HCN3: variants seen among roughly 807,000 people sequenced by gnomAD.
The protein encoded by HCN3 is hyperpolarization activated cyclic nucleotide gated potassium channel 3, also known as potassium/sodium hyperpolarization-activated cyclic nucleotide-gated channel 3.
In HCN3, 36 loss-of-function variants were observed where a neutral mutation model predicts 56.8. The ratio of observed to expected loss-of-function variants is 0.63; its 90% CI spans 0.49 to 0.84. HCN3 has a LOEUF of 0.84. Among genes scored for constraint, HCN3 ranks in the 40% least tolerant of loss-of-function variants. HCN3 has a pLI of 0.00. For synonymous variants in HCN3, 425 were observed against 439.7 expected, an observed-to-expected ratio of 0.97 and a Z score of 0.42; for missense variants, 930 against 1,079.3, an observed-to-expected ratio of 0.86 and a Z score of 1.94.
chr1:155,278,980 T>A (rs1463391395), intron 1 of HCN3, among the ~76,000 whole-genome samples: 1 of 151,678 alleles, frequency 6.6e-6, no homozygotes, highest in Non-Finnish European at 1.5e-5. Context: ...GATGCTTTCA[T>A]GGCTAGGCGA....
intron 1 of HCN3, among the ~76,000 whole-genome samples, chr1:155,280,436 A>ATTT: frequency 7.6e-6 from 1 of 131,562 alleles, no homozygotes; most frequent in Admixed American, 7.7e-5. Context: ...CACCTGGCTA[A>ATTT]TTTTTTTTTT....
At position 155,277,808 on chromosome 1, in the gene HCN3, T is replaced by G; in HGVS notation, c.218T>G (p.Ile73Ser). Reference protein sequence around the residue: ...RVFGSHKAVEIEQERVKSAGA... With the variant: ...RVFGSHKAVESEQERVKSAGA... The stretch of plus-strand genomic sequence containing the variant: ...TTCGGCAGCCACAAAGCAGTGGAAA[T>G]CGAGCAGGAGCGGGTGAAGTCAGCG... The change falls in exon 1 of 8, where the codon ATC (isoleucine) becomes AGC (serine). Residue 73 changes from isoleucine (I) to serine (S), a missense_variant. By Grantham distance (142) the Ile-to-Ser change is moderately radical. Transcript: ENST00000368358. 6.2e-7 allele frequency: 1 copy of G among 1,612,514 alleles called. No individual in the cohort carries two copies. Among genetic ancestry groups the G allele is most frequent in the Non-Finnish European group, 8.5e-7 (1 of 1,179,926 alleles).
At chr1:155,279,538 C>T (rs1368796889) in intron 1 of HCN3, among the ~76,000 whole-genome samples, 1 of 152,164 alleles carries the variant, frequency 6.6e-6, no homozygotes, top group Non-Finnish European at 1.5e-5. Context: ...CAGAGGAAGG[C>T]AGGATAGACC....
chr1:155,285,630 A>T lies in HCN3; in HGVS notation c.1237-94A>T. 2 of 1,521,840 alleles carry T rather than the reference A, an allele frequency of 1.3e-6. No individual in the cohort carries two copies. Among genetic ancestry groups the T allele is most frequent in the Non-Finnish European group, 1.8e-6 (2 of 1,124,988 alleles). The allele number at this position is 1,521,840 out of a possible 1,614,324, so 94.3% of individuals were successfully genotyped here. A position where few individuals can be genotyped will look rare whatever the true frequency, so the allele number is the denominator to read the frequency against. On this transcript the variant is annotated intron_variant, in intron 5 of 7. Coordinates refer to ENST00000368358, the MANE Select transcript of HCN3 (RefSeq NM_020897.3). This position sits in a 1 kb window ranked among gnomAD's most constrained non-coding sequence, Gnocchi z 4.5. ...CCTCCCCATCCTTTGGCAGAACATG[A>T]CCCCAGGGGTGGGGTTTCTGGAAGC...
Position 155,284,736 on chromosome 1 carries a change from C to A in HCN3, c.1068C>A (p.Ser356=). Residue 356 remains serine, a synonymous_variant, in exon 4 of 8, where the codon TCC becomes TCA. Coordinates refer to ENST00000368358, the MANE Select transcript of HCN3 (RefSeq NM_020897.3). This position sits in a 1 kb window ranked among gnomAD's most constrained non-coding sequence, Gnocchi z 4.3. Reference sequence around the variant, plus strand: ...CACTCATCCAGTCCCTGGACTCTTCCCGGCGTCAGTACCAGGAGAAGGTCA... The same window carrying A: ...CACTCATCCAGTCCCTGGACTCTTCACGGCGTCAGTACCAGGAGAAGGTCA... The part of the protein sequence containing the change: ...ATALIQSLDS[S]RRQYQEKYKQ... The A allele has an allele frequency of 6.2e-7, 1 of 1,614,024 alleles. No individual in the cohort carries two copies. Among genetic ancestry groups the A allele is most frequent in the East Asian group, 2.2e-5 (1 of 44,876 alleles).
intron 1 of HCN3, 116 bp downstream of exon 1, chr1:155,277,984 C>T: frequency 7.8e-7 from 1 of 1,289,958 alleles, no homozygotes; most frequent in African/African-American, 1.5e-5. Context: ...CCCGGGGTCC[C>T]TTGGTGGGGC....
intron 6 of HCN3, 145 bp from the exon 7 acceptor site, chr1:155,287,028 C>T (rs990120916): frequency 3.5e-6 from 3 of 867,312 alleles, no homozygotes; most frequent in Admixed American, 2.6e-5. Flanking sequence ...TTTAGGGTTC[C>T]TGGGGCACGG....
intron 6 of HCN3, among the ~76,000 whole-genome samples, chr1:155,286,490 G>A (rs1674292586): frequency 6.6e-6 from 1 of 152,188 alleles, no homozygotes; most frequent in Non-Finnish European, 1.5e-5. Flanking sequence ...CTAATGCACA[G>A]CCAGGTTGCA....
rs1392429194 is a variant in HCN3 at position 155,283,957 on chromosome 1, C to T, written c.709-17C>T. 2 of 1,603,058 alleles carry T rather than the reference C, an allele frequency of 1.2e-6. No individual in the cohort carries two copies. Among genetic ancestry groups the T allele is most frequent in the African/African-American group, 1.3e-5 (1 of 74,696 alleles). On this transcript the variant is annotated splice_polypyrimidine_tract_variant and intron_variant, in intron 2 of 7. Transcript: ENST00000368358. The stretch of plus-strand genomic sequence containing the variant: ...GAGGGGTTCCTGTCCACAGCAGCTC[C>T]TCCTCGGACTCCTCAGATCTTTCAC...
rs1487332978 is a variant in HCN3 at position 155,284,014 on chromosome 1, G to A, written c.749G>A (p.Arg250His). 5 of 1,613,976 alleles carry A rather than the reference G, an allele frequency of 3.1e-6. No homozygotes were observed. In the East Asian group the frequency reaches 6.7e-5, roughly 22 times the overall value. Reference sequence around the variant, plus strand: ...TATGACCTGGCCAGTGCTGTGGTTCGCATCTTCAACCTCATTGGGATGATG... The same window carrying A: ...TATGACCTGGCCAGTGCTGTGGTTCACATCTTCAACCTCATTGGGATGATG... Reference protein sequence around the residue: ...MTYDLASAVVRIFNLIGMMLL... With the variant: ...MTYDLASAVVHIFNLIGMMLL... The change falls in exon 3 of 8, where the codon CGC becomes CAC. Residue 250 changes from arginine (R) to histidine (H), a missense_variant. Coordinates refer to ENST00000368358, the MANE Select transcript of HCN3 (RefSeq NM_020897.3). The surrounding 1 kb of genome is among the most constrained non-coding windows in gnomAD (Gnocchi z 4.3).
Position 155,284,598 on chromosome 1 carries a change from G to A in HCN3, c.930G>A (p.Leu310=), listed in dbSNP as rs1231374247. The A allele has an allele frequency of 1.2e-5, 19 of 1,613,796 alleles. No homozygotes were observed. Among genetic ancestry groups the A allele is most frequent in the Non-Finnish European group, 1.6e-5 (19 of 1,180,050 alleles). ...TGTTCAAGGCCATGAGCCACATGCT[G>A]TGCATTGGCTATGGGCAGCAGGCAC... is the stretch of plus-strand genomic sequence containing the variant. The part of the protein sequence containing the change: ...HALFKAMSHM[L]CIGYGQQAPV... Residue 310 remains leucine, a synonymous_variant, in exon 4 of 8, where the codon CTG becomes CTA. Transcript: ENST00000368358. This position sits in a 1 kb window ranked among gnomAD's most constrained non-coding sequence, Gnocchi z 4.3.
chr1:155,279,505 G>A (rs1469234616), intron 1 of HCN3, among the ~76,000 whole-genome samples: 1 of 152,184 alleles, frequency 6.6e-6, no homozygotes, highest in Non-Finnish European at 1.5e-5. Flanking sequence ...GGAGGGGGAA[G>A]GGCATCCCTG....
In HCN3 at chr1:155,280,501, A is replaced by G. The variant is rs1204824703; in HGVS notation, c.279-1910A>G. Among the ~76,000 whole-genome samples the G allele has an allele frequency of 3.3e-5, 5 of 150,914 alleles. No individual in the cohort carries two copies. The East Asian group carries it at 9.8e-4, about 29-fold the overall frequency. On this transcript the variant is annotated intron_variant, in intron 1 of 7. Coordinates refer to ENST00000368358, the MANE Select transcript of HCN3 (RefSeq NM_020897.3). ...GCCCAGGCTGGAGTGCAGTGGCACA[A>G]TCTCGGCTCACTGCAAGCTCCGCCT...
rs774265342 is a variant in HCN3 at position 155,288,404 on chromosome 1, A to C, written c.2266A>C (p.Arg756=). The C allele has an allele frequency of 6.2e-7, 1 of 1,612,988 alleles. No individual in the cohort carries two copies. ...ACCTCCAAGGACAGCCCAGCCCCCCAGGCCACCAGTGCCTGAGCCAGCCAC... is the reference window on the plus strand; with the variant it reads ...ACCTCCAAGGACAGCCCAGCCCCCCCGGCCACCAGTGCCTGAGCCAGCCAC... The part of the protein sequence containing the change: ...AKPPRTAQPP[R]PPVPEPATPR... Residue 756 remains arginine (R), a synonymous_variant, in exon 8 of 8, where the codon AGG becomes CGG. Coordinates refer to ENST00000368358, the MANE Select transcript of HCN3 (RefSeq NM_020897.3). The surrounding 1 kb of genome is among the most constrained non-coding windows in gnomAD (Gnocchi z 6.5).
At chr1:155,278,269 G>C in intron 1 of HCN3, 3 of 228,428 alleles carry the variant, frequency 1.3e-5, no homozygotes, top group South Asian at 1.4e-4. Context: ...GAGAAGCCGA[G>C]CTCCGCCATC....
rs1236165781 is a variant in HCN3, at chr1:155,285,873, G to A, written c.1386G>A (p.Gly462=). The A allele has an allele frequency of 5.6e-6, 9 of 1,614,208 alleles. No individual in the cohort carries two copies. Among genetic ancestry groups the A allele is most frequent in the African/African-American group, 1.3e-5 (1 of 75,066 alleles). The change falls in exon 6 of 8, where the codon GGG becomes GGA. Residue 462 remains glycine, a synonymous_variant. Coordinates refer to ENST00000368358, the MANE Select transcript of HCN3 (RefSeq NM_020897.3). This position sits in a 1 kb window ranked among gnomAD's most constrained non-coding sequence, Gnocchi z 4.5. ...TCGTGGTGCGTGAGGGCTCCGTGGGGAGGAAGATGTACTTCATCCAGCATG... is the reference window on the plus strand; with the variant it reads ...TCGTGGTGCGTGAGGGCTCCGTGGGAAGGAAGATGTACTTCATCCAGCATG... ...GDLVVREGSV[G]RKMYFIQHGL... is the part of the protein sequence containing the mutation.
Position 155,284,647 on chromosome 1 carries a change from C to G in HCN3, c.979C>G (p.Leu327Val). Residue 327 changes from leucine to valine, a missense_variant, in exon 4 of 8, where the codon CTC becomes GTC. By Grantham distance (32) the Leu-to-Val change is conservative. Transcript: ENST00000368358. The surrounding 1 kb of genome is among the most constrained non-coding windows in gnomAD (Gnocchi z 4.3). ...QAPVGMPDVWLTMLSMIVGAT... is the reference protein window; with the variant it reads ...QAPVGMPDVWVTMLSMIVGAT... ...ACCTGTAGGCATGCCCGACGTCTGG[C>G]TCACCATGCTCAGCATGATCGTAGG... 6.2e-7 allele frequency: 1 copy of G among 1,614,210 alleles called. No homozygotes were observed. The highest frequency in any genetic ancestry group is 8.5e-7 in the Non-Finnish European group (1 of 1,180,042).
In HCN3 at chr1:155,284,142, A is replaced by G. The variant is rs761479686; in HGVS notation, c.870+7A>G. The G allele has an allele frequency of 6.2e-7, 1 of 1,613,514 alleles. No individual in the cohort carries two copies. The highest frequency in any genetic ancestry group is 1.1e-5 in the South Asian group (1 of 91,064). ...CTCCATCAACCACATGGTGGTGAGA[A>G]GTCCCCACAGCTCTGCCTTTCCTGG... On this transcript the variant is annotated splice_region_variant and intron_variant, in intron 3 of 7. Coordinates refer to ENST00000368358, the MANE Select transcript of HCN3 (RefSeq NM_020897.3). The surrounding 1 kb of genome is among the most constrained non-coding windows in gnomAD (Gnocchi z 4.3).
At chr1:155,280,729 C>T (rs573913407) in intron 1 of HCN3, among the ~76,000 whole-genome samples, 10 of 147,070 alleles carry the variant, frequency 6.8e-5, no homozygotes, top group African/African-American at 1.5e-4. Context: ...TGAGCCACCA[C>T]GCCCAGCTAT....
Sources: allele counts gnomAD v4.1 joint callset (sites outside exome capture counted in the v4.1 genomes callset), GRCh38; gene constraint gnomAD v4.1.1; non-coding constraint Gnocchi (gnomAD v3.1); transcripts MANE v1.5; gene names NCBI Gene and HGNC (gene_info 2026-07-23, HGNC 2026-07-21).